Variants in ALK observed in about 807,000 individuals in gnomAD.
ALK encodes ALK receptor tyrosine kinase, also known as ALK tyrosine kinase receptor.
In ALK, 74 loss-of-function variants were observed where a neutral mutation model predicts 163.1. That is an observed-to-expected ratio of 0.45 (90% CI 0.38 to 0.55). The LOEUF (loss-of-function observed/expected upper bound fraction) is 0.55, where lower values mean the gene tolerates loss of function less well. Among genes scored for constraint, ALK ranks in the 20% least tolerant of loss-of-function variants. The probability of loss-of-function intolerance (pLI) is 0.00; values close to 1 mark genes in which losing one functional copy is unlikely to be tolerated. For synonymous variants in ALK, 960 were observed against 843.2 expected (o/e 1.14, Z -2.40); for missense variants, 2,063 against 2,105.3 (o/e 0.98, Z 0.39).
intron 1 of ALK, among the ~76,000 whole-genome samples, chr2:29,742,064 G>C (rs1180121402): frequency 6.6e-6 from 1 of 152,242 alleles, no homozygotes; most frequent in African/African-American, 2.4e-5. Context: ...GGCTTCCCTG[G>C]GAATGGGGGC....
intron 4 of ALK, among the ~76,000 whole-genome samples, chr2:29,388,562 A>G (rs1669087261): frequency 6.6e-6 from 1 of 152,182 alleles, no homozygotes; most frequent in South Asian, 2.1e-4. Context: ...CAGTTTCCCT[A>G]TTTTTAAGAT....
At chr2:29,598,835 T>C (rs970676965) in intron 3 of ALK, among the ~76,000 whole-genome samples, 6 of 152,172 alleles carry the variant, frequency 3.9e-5, no homozygotes, top group Non-Finnish European at 7.3e-5. Context: ...TGAATTGCTT[T>C]TATGACTGAG....
intron 1 of ALK, among the ~76,000 whole-genome samples, chr2:29,754,453 A>G (rs534616012): frequency 6.6e-6 from 1 of 152,250 alleles, no homozygotes; most frequent in East Asian, 1.9e-4. Context: ...TCCCTGACTC[A>G]GTCTCTTCAT....
At chr2:29,598,052 G>C (rs1191236835) in intron 3 of ALK, among the ~76,000 whole-genome samples, 1 of 152,216 alleles carries the variant, frequency 6.6e-6, no homozygotes, top group Non-Finnish European at 1.5e-5. Context: ...TTTGGAGTCA[G>C]AGTATCACTC....
At position 29,328,470 on chromosome 2, in the gene ALK, C is replaced by T; in HGVS notation, c.1294G>A (p.Gly432Ser). Residue 432 changes from glycine (G) to serine (S), a missense_variant, in exon 6 of 29, where the codon GGC becomes AGC. By Grantham distance (56) the Gly-to-Ser change is moderately conservative. Around this residue, in one of 5 missense-constraint regions of ALK, gnomAD observed 987 missense variants for 939.5 expected, o/e 1.05. Coordinates refer to ENST00000389048, the MANE Select transcript of ALK (RefSeq NM_004304.5). ...LKNCSEGTSP[G>S]SKMALQSSFT... ...GAGCTCTGCAGGGCCATCTTGGAGCCTGGGGATGTTCCTGGAGAGCACACA... is the reference window on the plus strand; with the variant it reads ...GAGCTCTGCAGGGCCATCTTGGAGCTTGGGGATGTTCCTGGAGAGCACACA... The T allele has an allele frequency of 6.2e-7, 1 of 1,614,208 alleles. No individual in the cohort carries two copies. Among genetic ancestry groups the T allele is most frequent in the Non-Finnish European group, 8.5e-7 (1 of 1,180,014 alleles).
chr2:29,497,243 G>C (rs915717651), intron 4 of ALK, among the ~76,000 whole-genome samples: 1 of 151,742 alleles, frequency 6.6e-6, no homozygotes, highest in Non-Finnish European at 1.5e-5. Context: ...CTGCACTCCT[G>C]CCTGGGCAAC....
chr2:29,374,464 G>A (rs1411269529), intron 5 of ALK, among the ~76,000 whole-genome samples: 3 of 151,028 alleles, frequency 2.0e-5, no homozygotes, highest in African/African-American at 7.3e-5. Context: ...TGCTAATTGA[G>A]ATACAGAGAT....
intron 3 of ALK, among the ~76,000 whole-genome samples, chr2:29,628,972 T>G (rs776425781): frequency 6.6e-6 from 1 of 152,198 alleles, no homozygotes; most frequent in Non-Finnish European, 1.5e-5. Flanking sequence ...GTAGAGAAGA[T>G]GCAGGGAACC....
At chr2:29,513,923 A>G (rs1416328229) in intron 4 of ALK, among the ~76,000 whole-genome samples, 2 of 134,976 alleles carry the variant, frequency 1.5e-5, no homozygotes, top group Admixed American at 7.5e-5. Context: ...TGGCCATCAG[A>G]GAAATGCAAA....
intron 28 of ALK, among the ~76,000 whole-genome samples, chr2:29,195,605 C>T (rs1669002530): frequency 6.6e-6 from 1 of 152,146 alleles, no homozygotes; most frequent in African/African-American, 2.4e-5. Context: ...TATGGTGGCA[C>T]ATGCCTGTAA....
intron 3 of ALK, among the ~76,000 whole-genome samples, chr2:29,556,090 G>C (rs1673850434): frequency 6.6e-6 from 1 of 152,094 alleles, no homozygotes; most frequent in Non-Finnish European, 1.5e-5. Flanking sequence ...AGCCAAACCT[G>C]GCATCAGGAA....
chr2:29,578,751 T>A (rs539675426), intron 3 of ALK, among the ~76,000 whole-genome samples: 1 of 152,216 alleles, frequency 6.6e-6, no homozygotes, highest in African/African-American at 2.4e-5. Context: ...GTTGATTTCA[T>A]GTCCACGTTT....
chr2:29,402,861 A>G (rs1022816624), intron 4 of ALK, among the ~76,000 whole-genome samples: 7 of 152,084 alleles, frequency 4.6e-5, no homozygotes, highest in Non-Finnish European at 8.8e-5. Context: ...ACATGTGATC[A>G]CCACAAATCC....
intron 3 of ALK, among the ~76,000 whole-genome samples, chr2:29,569,573 T>A (rs5830123): frequency 4.4e-3 from 323 of 72,622 alleles, no homozygotes; most frequent in African/African-American, 0.024. Flanking sequence ...TCCCCCCCCC[T>A]AGTGAGGTCC....
At chr2:29,310,859 G>C (rs758917469) in intron 8 of ALK, among the ~76,000 whole-genome samples, 1 of 152,194 alleles carries the variant, frequency 6.6e-6, no homozygotes, top group Non-Finnish European at 1.5e-5. Context: ...GAGAGACTCT[G>C]TAAGCTTTGA....
chr2:29,532,941 AC>A (rs1313135332), intron 3 of ALK, among the ~76,000 whole-genome samples: 1 of 152,108 alleles, frequency 6.6e-6, no homozygotes, highest in Non-Finnish European at 1.5e-5. Context: ...TTCTTAAACT[AC>A]TCCTGGCACT....
intron 15 of ALK, 66 bp from the exon 16 acceptor site, chr2:29,229,132 A>G: frequency 6.6e-7 from 1 of 1,521,152 alleles, no homozygotes; most frequent in Admixed American, 1.7e-5. Flanking sequence ...TGCTGGCCAG[A>G]GAAGCAGGAT....
chr2:29,818,156 A>C (rs1664948875), intron 1 of ALK, among the ~76,000 whole-genome samples: 1 of 152,208 alleles, frequency 6.6e-6, no homozygotes, highest in Non-Finnish European at 1.5e-5. Flanking sequence ...CATTTTTCCC[A>C]GAGTTGTGAA....
intron 1 of ALK, among the ~76,000 whole-genome samples, chr2:29,734,905 G>C (rs1679849855): frequency 1.3e-5 from 2 of 152,048 alleles, no homozygotes; most frequent in Admixed American, 1.3e-4. Flanking sequence ...CAATGAGATA[G>C]ATAATCTTAT....
Sources: gnomAD v4.1 joint callset for allele counts (sites outside exome capture counted in the v4.1 genomes callset) on GRCh38, gnomAD v4.1.1 for gene constraint, gnomAD v4.1.1 regional missense constraint, MANE v1.5 for transcripts, NCBI Gene and HGNC (gene_info 2026-07-23, HGNC 2026-07-21) for gene names.